Variants in DIAPH1 observed in about 807,000 individuals in gnomAD.
DIAPH1 encodes protein diaphanous homolog 1.
Under a neutral mutation model 140.7 loss-of-function variants are expected in DIAPH1, and 46 were observed. That is an observed-to-expected ratio of 0.33 (90% CI 0.26 to 0.42). The LOEUF (loss-of-function observed/expected upper bound fraction) is 0.42, where lower values mean the gene tolerates loss of function less well. DIAPH1 is among the 10% of genes least tolerant of loss of function. DIAPH1 has a pLI of 1.00. For missense variants in DIAPH1, 1,310 were observed against 1,558.7 expected, an observed-to-expected ratio of 0.84 and a Z score of 2.69; for synonymous variants, 565 against 551.6, an observed-to-expected ratio of 1.02 and a Z score of -0.34.
chr5:141,605,054 T>G (rs957118832), intron 1 of DIAPH1, among the ~76,000 whole-genome samples: 2 of 152,296 alleles, frequency 1.3e-5, no homozygotes, highest in African/African-American at 4.8e-5. Flanking sequence ...CTAAAGAAAC[T>G]TCCATATATC....
At chr5:141,532,160 G>A (rs1166337049) in intron 19 of DIAPH1, among the ~76,000 whole-genome samples, 4 of 151,356 alleles carry the variant, frequency 2.6e-5, no homozygotes, top group South Asian at 4.2e-4. Context: ...CAACCTTCCC[G>A]CCTTCACTTA....
chr5:141,589,664 T>C (rs1459227433), intron 1 of DIAPH1, among the ~76,000 whole-genome samples: 3 of 152,036 alleles, frequency 2.0e-5, no homozygotes, highest in Non-Finnish European at 4.4e-5. Context: ...GGGGTCGTGA[T>C]TGGGGAAGGG....
intron 27 of DIAPH1, among the ~76,000 whole-genome samples, chr5:141,517,690 G>A (rs950375863): frequency 6.6e-6 from 1 of 152,104 alleles, no homozygotes; most frequent in Non-Finnish European, 1.5e-5. Flanking sequence ...GGGGGAGGTA[G>A]TAATAAAAAC....
chr5:141,601,176 T>C (rs1220518280), intron 1 of DIAPH1, among the ~76,000 whole-genome samples: 2 of 149,680 alleles, frequency 1.3e-5, no homozygotes, highest in African/African-American at 2.5e-5. Context: ...TGTATACATA[T>C]GTAACAAACC....
chr5:141,537,482 T>G (rs1396511602), intron 18 of DIAPH1, among the ~76,000 whole-genome samples: 2 of 9,162 alleles, frequency 2.2e-4, no homozygotes, highest in African/African-American at 4.3e-4. Context: ...AAACTCCGTC[T>G]CAAAAAAAAA....
In DIAPH1 at chr5:141,573,971, T is replaced by C; in HGVS notation, c.1879A>G (p.Ile627Val). 1.3e-6 allele frequency: 2 copies of C among 1,537,268 alleles called. No homozygotes were observed. The highest frequency in any genetic ancestry group is 1.9e-4 in the Middle Eastern group (1 of 5,332). ...PPPPLPGGVC[I>V]SSPPSLPGGT... The stretch of plus-strand genomic sequence containing the variant: ...CCAGGTAAAGAAGGGGGTGAGGAGA[T>C]GCAAACACCCCCAGGCAAAGGAGGT... The change falls in exon 16 of 28, where the codon ATC (isoleucine) becomes GTC (valine). Residue 627 changes from isoleucine (I) to valine (V), a missense_variant. By Grantham distance (29) the Ile-to-Val change is conservative (BLOSUM62 3). Transcript: ENST00000389054.
intron 26 of DIAPH1, chr5:141,524,913 T>C (rs365396): frequency 0.094 from 14,677 of 156,716 alleles, 892 homozygotes; most frequent in South Asian, 0.15. Flanking sequence ...TGGCTGAGCA[T>C]CACCAGTGCA....
At chr5:141,595,086 T>C (rs1324204125) in intron 1 of DIAPH1, among the ~76,000 whole-genome samples, 4 of 150,654 alleles carry the variant, frequency 2.7e-5, no homozygotes, top group Admixed American at 2.0e-4. Context: ...CTACATATTA[T>C]ATGTACCCAA....
Position 141,526,021 on chromosome 5 carries a change from C to A in DIAPH1, c.3574+17G>T. Reference sequence around the variant, plus strand: ...AACATTCCTATCTCAGCCCATCAACCCGTCTTCACTCCTCACCTGCATTCA... The same window carrying A: ...AACATTCCTATCTCAGCCCATCAACACGTCTTCACTCCTCACCTGCATTCA... On this transcript the variant is annotated intron_variant, in intron 26 of 27. Transcript: ENST00000389054. The A allele has an allele frequency of 6.2e-7, 1 of 1,613,710 alleles. No homozygotes were observed. The highest frequency in any genetic ancestry group is 2.2e-5 in the East Asian group (1 of 44,870).
rs115761101 is a variant in DIAPH1, at chr5:141,547,680, A to T, written c.2483-13247T>A. Among the ~76,000 whole-genome samples, 585 of 152,262 alleles carry T rather than the reference A, an allele frequency of 3.8e-3. 3 individuals carry two copies. The highest frequency in any genetic ancestry group is 0.013 in the African/African-American group (527 of 41,562). ...GTAATGGACAAGTGAGACACATTGA[A>T]AAGGCCAATGGTCCAACATATGTAT... is the stretch of plus-strand genomic sequence containing the variant. On this transcript the variant is annotated intron_variant, in intron 18 of 27. Transcript: ENST00000389054.
intron 27 of DIAPH1, among the ~76,000 whole-genome samples, chr5:141,518,334 A>G (rs1248115186): frequency 7.5e-6 from 1 of 133,854 alleles, no homozygotes; most frequent in Non-Finnish European, 1.6e-5. Context: ...AAAAAAAAAG[A>G]CTTCCTGGAG....
intron 1 of DIAPH1, among the ~76,000 whole-genome samples, chr5:141,607,608 T>C (rs369217970): frequency 3.9e-5 from 6 of 152,248 alleles, no homozygotes; most frequent in Non-Finnish European, 8.8e-5. Flanking sequence ...CAGGTTTTTA[T>C]AGAAAGGGAA....
intron 27 of DIAPH1, among the ~76,000 whole-genome samples, chr5:141,522,614 T>A (rs1463401947): frequency 1.3e-5 from 2 of 151,116 alleles, no homozygotes; most frequent in Non-Finnish European, 2.9e-5. Flanking sequence ...AGATGCAATG[T>A]ATTTTTGTAA....
chr5:141,556,497 G>A (rs776900561), intron 18 of DIAPH1, among the ~76,000 whole-genome samples: 1 of 152,094 alleles, frequency 6.6e-6, no homozygotes, highest in Non-Finnish European at 1.5e-5. Flanking sequence ...AAGACTTTGG[G>A]TAACAGATTA....
At position 141,580,727 on chromosome 5, in the gene DIAPH1, T is replaced by A. The variant is rs748986173; in HGVS notation, c.824+17A>T. On this transcript the variant is annotated intron_variant, in intron 8 of 27. Coordinates refer to ENST00000389054, the MANE Select transcript of DIAPH1 (RefSeq NM_005219.5). ...TAAAATTGAAAATGGAGAAGAAAAA[T>A]TATTCCAGTCACATACATGTCCTCT... The A allele has an allele frequency of 6.2e-6, 10 of 1,613,052 alleles. No homozygotes were observed. Among genetic ancestry groups the A allele is most frequent in the Non-Finnish European group, 8.5e-6 (10 of 1,179,906 alleles).
rs1339899658 is a variant in DIAPH1, at chr5:141,576,869, G to T, written c.1283C>A (p.Pro428His). 3.2e-6 allele frequency: 5 copies of T among 1,564,200 alleles called. No homozygotes were observed. The East Asian group carries it at 1.1e-4, about 35-fold the overall frequency. ...LLVRNDYEAR[P>H]QYYKLIEECI... ...TTCTTCAATCAACTTATAGTACTGA[G>T]GTCTACAAGAGAATAAAAACAGGGT... is the stretch of plus-strand genomic sequence containing the variant. Residue 428 changes from proline (P) to histidine (H), a missense_variant and splice_region_variant, in exon 13 of 28, where the codon CCT becomes CAT. Physicochemically the swap from Pro to His is moderately conservative, Grantham distance 77. Transcript: ENST00000389054.
chr5:141,583,745 TGCCCAG>T, intron 4 of DIAPH1, 130 bp from the exon 5 acceptor site: 1 of 1,295,718 alleles, frequency 7.7e-7, no homozygotes, highest in Non-Finnish European at 1.1e-6. Flanking sequence ...CTTACTACGT[TGCCCAG>T]GCTGATTTCA....
chr5:141,598,640 T>C (rs1458320560), intron 1 of DIAPH1, among the ~76,000 whole-genome samples: 1 of 152,184 alleles, frequency 6.6e-6, no homozygotes, highest in Non-Finnish European at 1.5e-5. Flanking sequence ...ATAAATCTTT[T>C]GGTTACCATC....
At chr5:141,584,094 C>T (rs374858270) in intron 4 of DIAPH1, 30 bp downstream of exon 4, 214 of 1,427,596 alleles carry the variant, frequency 1.5e-4, no homozygotes, top group Non-Finnish European at 2.0e-4. Context: ...CACAGTCTCC[C>T]ATGTCATGGG....
Sources: allele counts gnomAD v4.1 joint callset (sites outside exome capture counted in the v4.1 genomes callset), GRCh38; gene constraint gnomAD v4.1.1; transcripts MANE v1.5; gene names NCBI Gene and HGNC (gene_info 2026-07-23, HGNC 2026-07-21).